Variants in NFIB observed in about 807,000 individuals in gnomAD.
NFIB encodes the protein nuclear factor 1 B-type.
A neutral mutation model predicts 61.5 loss-of-function variants in NFIB; 11 were observed. The observed-to-expected ratio is 0.18, with a 90% CI of 0.11 to 0.30. The LOEUF is 0.30. Ranked by LOEUF, NFIB falls within the 10% of genes least tolerant of loss-of-function variation. The probability of loss-of-function intolerance (pLI) is 1.00; values close to 1 mark genes in which losing one functional copy is unlikely to be tolerated. For synonymous variants in NFIB, 260 were observed against 216.5 expected, an observed-to-expected ratio of 1.20 and a Z score of -1.76; for missense variants, 471 against 608.9, an observed-to-expected ratio of 0.77 and a Z score of 2.38.
intron 2 of NFIB, among the ~76,000 whole-genome samples, chr9:14,193,940 T>A (rs1488222135): frequency 8.5e-5 from 13 of 152,140 alleles, no homozygotes; most frequent in Admixed American, 8.5e-4. Flanking sequence ...GCAATGTCCC[T>A]CTACATCCTC....
At chr9:14,269,103 C>T (rs897169319) in intron 2 of NFIB, among the ~76,000 whole-genome samples, 10 of 151,928 alleles carry the variant, frequency 6.6e-5, no homozygotes, top group African/African-American at 2.2e-4. Flanking sequence ...AACAGTGGCT[C>T]ATGTTACGAG....
intron 2 of NFIB, among the ~76,000 whole-genome samples, chr9:14,239,746 A>C (rs968494223): frequency 6.6e-6 from 1 of 152,188 alleles, no homozygotes; most frequent in African/African-American, 2.4e-5. Context: ...ATTTCTATCT[A>C]CAAAAAGTAC....
intron 1 of NFIB, among the ~76,000 whole-genome samples, chr9:14,349,076 A>G (rs117422910): frequency 3.2e-3 from 484 of 152,350 alleles, no homozygotes; most frequent in Non-Finnish European, 5.2e-3. Flanking sequence ...CTCTCGCACG[A>G]GTTGCTTGAG....
chr9:14,521,153 T>C, the NFIB span, among the ~76,000 whole-genome samples: 5 of 152,196 alleles, frequency 3.3e-5, no homozygotes, highest in Non-Finnish European at 5.9e-5. Context: ...ATTCAGAAGT[T>C]CTCCACCCTT....
upstream of NFIB, among the ~76,000 whole-genome samples, chr9:14,400,988 C>T (rs985559682): frequency 6.6e-6 from 1 of 152,232 alleles, no homozygotes; most frequent in Non-Finnish European, 1.5e-5. Flanking sequence ...TTTGATATTT[C>T]ACCCTCATAA....
intron 4 of NFIB, among the ~76,000 whole-genome samples, chr9:14,155,419 G>A (rs7863447): frequency 0.6 from 90,850 of 152,010 alleles, 33,692 homozygotes; most frequent in Non-Finnish European, 0.84. Context: ...TATATCCTGT[G>A]CATCTCCAAC....
chr9:14,175,167 CTTTTTTTTTT>C (rs55765054), intron 3 of NFIB, among the ~76,000 whole-genome samples: 13 of 126,034 alleles, frequency 1.0e-4, no homozygotes, highest in Non-Finnish European at 1.9e-4. Flanking sequence ...TAAAGAATTT[CTTTTTTTTTT>C]TTTTTTTTTT....
At chr9:14,392,327 C>T (rs1204216939) in intron 1 of NFIB, among the ~76,000 whole-genome samples, 3 of 152,136 alleles carry the variant, frequency 2.0e-5, no homozygotes, top group Non-Finnish European at 4.4e-5. Context: ...CAAAATGTAC[C>T]ATACTAAAGT....
At chr9:14,113,960 AG>A (rs1362313877) in intron 9 of NFIB, among the ~76,000 whole-genome samples, 1 of 152,194 alleles carries the variant, frequency 6.6e-6, no homozygotes, top group East Asian at 1.9e-4. Flanking sequence ...TCACAAGGAA[AG>A]GACTGAGGTA....
At chr9:14,420,508 C>A in the NFIB span, among the ~76,000 whole-genome samples, 1 of 139,922 alleles carries the variant, frequency 7.1e-6, no homozygotes, top group Non-Finnish European at 1.5e-5. Context: ...TAATCATTTT[C>A]TCCACACCAA....
chr9:14,492,108 A>G, the NFIB span, among the ~76,000 whole-genome samples: 1 of 152,296 alleles, frequency 6.6e-6, no homozygotes, highest in Admixed American at 6.5e-5. Context: ...TCAAGCCTGT[A>G]ATCCCAGCAC....
chr9:14,204,526 T>A, intron 2 of NFIB: 2 of 1,321,478 alleles, frequency 1.5e-6, no homozygotes, highest in Non-Finnish European at 2.1e-6. Flanking sequence ...AAACAGCTAC[T>A]CAGCTGCTTA....
At chr9:14,427,330 A>G in the NFIB span, among the ~76,000 whole-genome samples, 1 of 152,122 alleles carries the variant, frequency 6.6e-6, no homozygotes. Flanking sequence ...TGGACCAGAT[A>G]CTCTTCTAAG....
Position 14,125,686 on chromosome 9 carries a change from G to T in NFIB, c.1006C>A (p.Leu336Met). 6.2e-7 allele frequency: 1 copy of T among 1,614,160 alleles called. No homozygotes were observed. Among genetic ancestry groups the T allele is most frequent in the Non-Finnish European group, 8.5e-7 (1 of 1,180,014 alleles). Residue 336 changes from leucine to methionine, a missense_variant, in exon 7 of 11, where the codon CTG becomes ATG. By Grantham distance (15) the Leu-to-Met change is conservative. Around this residue, in one of 2 missense-constraint regions of NFIB, gnomAD observed 372 missense variants for 395.6 expected, o/e 0.94. Transcript: ENST00000380953. ...SASPQDSSPRLSTFPQHHHPG... is the reference protein window; with the variant it reads ...SASPQDSSPRMSTFPQHHHPG... ...TGGTGGTGCTGGGGGAAAGTGCTCAGTCTTGGGGAAGAATCCTGTGGAGAT... is the reference window on the plus strand; with the variant it reads ...TGGTGGTGCTGGGGGAAAGTGCTCATTCTTGGGGAAGAATCCTGTGGAGAT...
At chr9:14,104,287 G>C (rs1020452882) in intron 10 of NFIB, among the ~76,000 whole-genome samples, 8 of 152,172 alleles carry the variant, frequency 5.3e-5, no homozygotes, top group Admixed American at 5.2e-4. Flanking sequence ...TTTTAAATCA[G>C]ATGACATACT....
At chr9:14,242,632 T>C (rs894834546) in intron 2 of NFIB, among the ~76,000 whole-genome samples, 1 of 152,246 alleles carries the variant, frequency 6.6e-6, no homozygotes, top group Non-Finnish European at 1.5e-5. Context: ...AGATGACAGA[T>C]GCTGGCTTAA....
chr9:14,513,559 C>T, the NFIB span, among the ~76,000 whole-genome samples: 51 of 147,144 alleles, frequency 3.5e-4, no homozygotes, highest in African/African-American at 1.1e-3. Context: ...ACTCGGGAGC[C>T]GGAGGGTGCA....
rs1203674254 is a variant in NFIB at position 14,237,841 on chromosome 9, CAGTG to C, written c.563-58065_563-58062del. ...AAGCTCCTCACCCTGCTAGGTATAA[CAGTG>C]TGTGTGTGTGTGTGTGTGTGTGTGT... On this transcript the variant is annotated intron_variant, in intron 2 of 10. Transcript: ENST00000380953. Among the ~76,000 whole-genome samples, 46 of 26,020 alleles carry C rather than the reference CAGTG, an allele frequency of 1.8e-3. 6 individuals are homozygous for C. The highest frequency in any genetic ancestry group is 0.013 in the East Asian group (10 of 782). The allele number at this position is 26,020 out of a possible 152,430, so 17.1% of individuals were successfully genotyped here. A position where few individuals can be genotyped will look rare whatever the true frequency, so the allele number is the denominator to read the frequency against.
intron 1 of NFIB, among the ~76,000 whole-genome samples, chr9:14,386,416 C>A (rs2061549356): frequency 6.6e-6 from 1 of 152,182 alleles, no homozygotes; most frequent in Non-Finnish European, 1.5e-5. Flanking sequence ...GTCCTGTCTC[C>A]TGCCTTAGGA....
Sources: allele counts gnomAD v4.1 joint callset (sites outside exome capture counted in the v4.1 genomes callset), GRCh38; gene constraint gnomAD v4.1.1; regional missense constraint gnomAD v4.1.1; transcripts MANE v1.5; gene names NCBI Gene and HGNC (gene_info 2026-07-23, HGNC 2026-07-21).